LARP4: variants seen among roughly 807,000 people sequenced by gnomAD.
LARP4 encodes the protein la-related protein 4.
Under a neutral mutation model 92.9 loss-of-function variants are expected in LARP4, and 29 were observed. The ratio of observed to expected loss-of-function variants is 0.31; its 90% CI spans 0.23 to 0.43. The LOEUF (loss-of-function observed/expected upper bound fraction) is 0.43. Ranked by LOEUF, LARP4 falls within the 20% of genes least tolerant of loss-of-function variation. The probability of loss-of-function intolerance (pLI) is 1.00; values close to 1 mark genes in which losing one functional copy is unlikely to be tolerated. For missense variants in LARP4, 732 were observed against 860.0 expected (o/e 0.85, Z 1.86); for synonymous variants, 279 against 284.1 (o/e 0.98, Z 0.18).
In LARP4 at chr12:50,477,429, G is replaced by C. The variant is rs1243103593; in HGVS notation, c.*1565G>C. 1 of 152,484 alleles carries C rather than the reference G, an allele frequency of 6.6e-6. No homozygotes were observed. The highest frequency in any genetic ancestry group is 1.5e-5 in the Non-Finnish European group (1 of 67,960). The allele number at this position is 152,484 out of a possible 1,614,324, so 9.4% of individuals were successfully genotyped here. A position where few individuals can be genotyped will look rare whatever the true frequency, so the allele number is the denominator to read the frequency against. On this transcript the variant is annotated 3_prime_UTR_variant, in exon 16 of 16. Transcript: ENST00000398473. ...TTAGTAAATTACATATGTACAAATT[G>C]AAACTGTAAATTGTGAACACTGGAA... is the stretch of plus-strand genomic sequence containing the variant.
intron 15 of LARP4, among the ~76,000 whole-genome samples, chr12:50,474,561 A>T (rs1333521031): frequency 6.6e-6 from 1 of 151,986 alleles, no homozygotes; most frequent in Non-Finnish European, 1.5e-5. Context: ...GTTAGCCAGG[A>T]TGGTCTCAAT....
At chr12:50,473,347 T>TAA in intron 13 of LARP4, 68 bp from the exon 14 acceptor site, 1 of 1,187,860 alleles carries the variant, frequency 8.4e-7, no homozygotes, top group East Asian at 2.5e-5. Context: ...CTCTTGTGCT[T>TAA]ATTAGACGTG....
At chr12:50,407,367 A>C (rs975369133) in intron 1 of LARP4, among the ~76,000 whole-genome samples, 2 of 152,192 alleles carry the variant, frequency 1.3e-5, no homozygotes. Flanking sequence ...TAAGAGAAGT[A>C]TAACTTCTAA....
chr12:50,458,347 G>A (rs953996481), intron 10 of LARP4, among the ~76,000 whole-genome samples: 11 of 152,008 alleles, frequency 7.2e-5, no homozygotes, highest in Non-Finnish European at 1.6e-4. Flanking sequence ...GGCCAGGGTG[G>A]TCTTGATCTC....
chr12:50,472,820 T>C (rs769381163), intron 13 of LARP4, among the ~76,000 whole-genome samples: 24 of 150,370 alleles, frequency 1.6e-4, no homozygotes, highest in Non-Finnish European at 2.8e-4. Flanking sequence ...TCCCTATGTT[T>C]AACTTTTTTT....
At chr12:50,475,053 T>C (rs190663832) in intron 15 of LARP4, among the ~76,000 whole-genome samples, 93 of 152,322 alleles carry the variant, frequency 6.1e-4, no homozygotes, top group Non-Finnish European at 1.0e-3. Context: ...CTGAAGACTT[T>C]ACATGTTTTA....
intron 1 of LARP4, among the ~76,000 whole-genome samples, chr12:50,401,968 T>TA (rs1231704447): frequency 7.2e-5 from 11 of 152,334 alleles, no homozygotes; most frequent in African/African-American, 2.4e-4. Context: ...TTCCAGATCA[T>TA]ATTGTTCTTA....
At chr12:50,449,596 TAGAG>T (rs1181946452) in intron 8 of LARP4, among the ~76,000 whole-genome samples, 1 of 152,144 alleles carries the variant, frequency 6.6e-6, no homozygotes, top group Non-Finnish European at 1.5e-5. Context: ...TTTGGGGCAA[TAGAG>T]AGGATACAAA....
At chr12:50,414,016 A>G (rs1946352125) in intron 1 of LARP4, among the ~76,000 whole-genome samples, 1 of 152,166 alleles carries the variant, frequency 6.6e-6, no homozygotes, top group Non-Finnish European at 1.5e-5. Context: ...TAAATCTGAC[A>G]AGTAGAATTT....
intron 1 of LARP4, among the ~76,000 whole-genome samples, chr12:50,408,187 C>CTTTTTTTTT (rs71083565): frequency 2.9e-5 from 2 of 69,254 alleles, no homozygotes; most frequent in Admixed American, 5.0e-4. Context: ...GGATTTTCTG[C>CTTTTTTTTT]TTTTTTTTTT....
At position 50,427,897 on chromosome 12, in the gene LARP4, G is replaced by C; in HGVS notation, c.154G>C (p.Ala52Pro). ...SWHEIAATSG[A>P]HPEGNAELSE... ...GCATGAAATAGCAGCTACATCAGGT[G>C]CTCATCCTGAGGGTAAGTCTTAAAT... Residue 52 changes from alanine (A) to proline (P), a missense_variant, in exon 2 of 16, where the codon GCT becomes CCT. This residue lies in a region of LARP4 where 236 missense variants were observed against 307.6 expected (regional missense o/e 0.77). Transcript: ENST00000398473. 6.3e-7 allele frequency: 1 copy of C among 1,590,724 alleles called. No homozygotes were observed. Among genetic ancestry groups the C allele is most frequent in the Non-Finnish European group, 8.6e-7 (1 of 1,164,792 alleles).
At chr12:50,442,277 C>T (rs1951328394) in intron 8 of LARP4, among the ~76,000 whole-genome samples, 1 of 152,150 alleles carries the variant, frequency 6.6e-6, no homozygotes, top group Admixed American at 6.5e-5. Context: ...ACAGTACTTT[C>T]AACCTCATCT....
In LARP4 at chr12:50,425,254, G is replaced by A. The variant is rs1948536135; in HGVS notation, c.19-2508G>A. On this transcript the variant is annotated intron_variant, in intron 1 of 15. Transcript: ENST00000398473. ...TGAGTAAGGGGTATTTCTAATAGGTGTATGGCCCTTTCACTGTATCTTTTT... is the reference window on the plus strand; with the variant it reads ...TGAGTAAGGGGTATTTCTAATAGGTATATGGCCCTTTCACTGTATCTTTTT... 2.0e-5 allele frequency among the ~76,000 whole-genome samples: 3 copies of A among 152,160 alleles called. No homozygotes were observed. In the South Asian group the frequency reaches 6.2e-4, roughly 32 times the overall value.
intron 6 of LARP4, among the ~76,000 whole-genome samples, chr12:50,439,259 A>G (rs1377192815): frequency 6.6e-6 from 1 of 152,154 alleles, no homozygotes; most frequent in East Asian, 1.9e-4. Flanking sequence ...TTTTGCGGTT[A>G]TTACAATTCA....
At chr12:50,475,025 A>G (rs1957394596) in intron 15 of LARP4, among the ~76,000 whole-genome samples, 3 of 152,198 alleles carry the variant, frequency 2.0e-5, no homozygotes, top group African/African-American at 4.8e-5. Context: ...TGCTTACTAT[A>G]TATTATTAGG....
intron 1 of LARP4, among the ~76,000 whole-genome samples, chr12:50,402,165 C>T (rs1371718764): frequency 6.6e-6 from 1 of 151,746 alleles, no homozygotes; most frequent in Admixed American, 6.6e-5. Flanking sequence ...CCGTAATATT[C>T]CAGCATAAAG....
At chr12:50,447,375 GTAA>G (rs1281599951) in intron 8 of LARP4, among the ~76,000 whole-genome samples, 1 of 152,198 alleles carries the variant, frequency 6.6e-6, no homozygotes, top group Non-Finnish European at 1.5e-5. Flanking sequence ...TGATGGCCAT[GTAA>G]TTCCTGTTGC....
chr12:50,456,299 A>G (rs1361537869), intron 10 of LARP4, among the ~76,000 whole-genome samples: 1 of 152,182 alleles, frequency 6.6e-6, no homozygotes, highest in Non-Finnish European at 1.5e-5. Context: ...CATGTTACTT[A>G]AAACCACTTG....
intron 13 of LARP4, among the ~76,000 whole-genome samples, chr12:50,469,928 A>G (rs79881624): frequency 0.053 from 3,806 of 71,490 alleles, 72 homozygotes; most frequent in Non-Finnish European, 0.17. Context: ...GAAAAAGAAA[A>G]AAAATAAATA....
Sources: allele counts gnomAD v4.1 joint callset (sites outside exome capture counted in the v4.1 genomes callset), GRCh38; gene constraint gnomAD v4.1.1; regional missense constraint gnomAD v4.1.1; transcripts MANE v1.5; gene names NCBI Gene and HGNC (gene_info 2026-07-23, HGNC 2026-07-21).